Variants in DGCR8 observed in about 807,000 individuals in gnomAD.
DGCR8 encodes microprocessor complex subunit DGCR8.
DGCR8 carries 14 observed loss-of-function variants against 78.5 expected under a neutral mutation model. That is an observed-to-expected ratio of 0.18 (90% CI 0.12 to 0.28). DGCR8 has a LOEUF of 0.28. DGCR8 is among the 10% of genes least tolerant of loss of function. The probability of loss-of-function intolerance (pLI) is 1.00; values close to 1 mark genes in which losing one functional copy is unlikely to be tolerated. For synonymous variants in DGCR8, 399 were observed against 402.4 expected, an observed-to-expected ratio of 0.99 and a Z score of 0.10; for missense variants, 702 against 1,022.5, an observed-to-expected ratio of 0.69 and a Z score of 4.28.
intron 9 of DGCR8, among the ~76,000 whole-genome samples, chr22:20,097,719 A>G (rs1322792067): frequency 6.6e-6 from 1 of 151,278 alleles, no homozygotes; most frequent in East Asian, 1.9e-4. Context: ...GTTGGCTCAC[A>G]TTCTGCTGGT....
Position 20,086,791 on chromosome 22 carries a change from A to C in DGCR8, c.720+108A>C. ...GGAAATTAAAAAAAAAAAAAACAAA[A>C]ACCAAAATCCCCTCTGAGGTGGAAT... is the stretch of plus-strand genomic sequence containing the variant. On this transcript the variant is annotated intron_variant, in intron 2 of 13. Transcript: ENST00000351989. This position sits in a 1 kb window ranked among gnomAD's most constrained non-coding sequence, Gnocchi z 6.4. 6.3e-6 allele frequency: 8 copies of C among 1,269,492 alleles called. No individual in the cohort carries two copies. The highest frequency in any genetic ancestry group is 7.5e-6 in the Non-Finnish European group (7 of 928,270). 78.6% of individuals were successfully genotyped at this position (1,269,492 alleles called of 1,614,324 possible).
Position 20,111,175 on chromosome 22 carries a change from G to C in DGCR8, c.*1067G>C. 1 of 398,844 alleles carries C rather than the reference G, an allele frequency of 2.5e-6. No individual in the cohort carries two copies. Among genetic ancestry groups the C allele is most frequent in the Non-Finnish European group, 4.4e-6 (1 of 226,092 alleles). The allele number at this position is 398,844 out of a possible 1,614,324, so 24.7% of individuals were successfully genotyped here. On this transcript the variant is annotated 3_prime_UTR_variant, in exon 14 of 14. Coordinates refer to ENST00000351989, the MANE Select transcript of DGCR8 (RefSeq NM_022720.7). Reference sequence around the variant, plus strand: ...GCTTCTCGACTGGTGGCCCCTATGGGTGGGTGTGCGATGGAAATGTGTTCC... The same window carrying C: ...GCTTCTCGACTGGTGGCCCCTATGGCTGGGTGTGCGATGGAAATGTGTTCC...
Position 20,091,950 on chromosome 22 carries a change from T to C in DGCR8, c.1586T>C (p.Val529Ala), listed in dbSNP as rs753002278. ...CAGCGTGTCCTCAAGGTCCGCCCTG[T>C]CTATAATTTCTTTGAATGTGGTAAG... ...YMQRVLKVRPVYNFFECENPS... is the reference protein window; with the variant it reads ...YMQRVLKVRPAYNFFECENPS... The change falls in exon 7 of 14, where the codon GTC becomes GCC. Residue 529 changes from valine to alanine, a missense_variant. Physicochemically the swap from Val to Ala is moderately conservative, Grantham distance 64. This residue lies in a region of DGCR8 where 225 missense variants were observed against 427.7 expected (regional missense o/e 0.53). Coordinates refer to ENST00000351989, the MANE Select transcript of DGCR8 (RefSeq NM_022720.7). 8 of 1,613,892 alleles carry C rather than the reference T, an allele frequency of 5.0e-6. No homozygotes were observed. In the South Asian group the frequency reaches 8.8e-5, roughly 18 times the overall value.
At chr22:20,080,415 C>T (rs2049403730) in intron 1 of DGCR8, 32 bp downstream of exon 1, 1 of 978,010 alleles carries the variant, frequency 1.0e-6, no homozygotes, top group Non-Finnish European at 1.2e-6. Flanking sequence ...CGCCCGCGGG[C>T]GGTTGGGCGG....
Position 20,094,694 on chromosome 22 carries a change from G to T in DGCR8, c.1706-19G>T. 1 of 1,611,608 alleles carries T rather than the reference G, an allele frequency of 6.2e-7. No individual in the cohort carries two copies. Among genetic ancestry groups the T allele is most frequent in the Non-Finnish European group, 8.5e-7 (1 of 1,177,910 alleles). On this transcript the variant is annotated intron_variant, in intron 8 of 13. Transcript: ENST00000351989. ...AGGGCAGTGCCCAAGCCTCACCCTC[G>T]GGCTCTTTTTTTTCATAGCCCGAGC...
chr22:20,100,384 AGT>A (rs2049683273), intron 9 of DGCR8: 1 of 985,160 alleles, frequency 1.0e-6, no homozygotes. Flanking sequence ...TTTATTTCTG[AGT>A]GACCCAACCG....
At chr22:20,102,130 T>C (rs2049710284) in intron 9 of DGCR8, 1 of 944,212 alleles carries the variant, frequency 1.1e-6, no homozygotes, top group South Asian at 4.9e-5. Flanking sequence ...TAAATTCACT[T>C]TTTGGTACAG....
chr22:20,097,815 C>CT (rs695417), intron 9 of DGCR8, among the ~76,000 whole-genome samples: 118 of 136,654 alleles, frequency 8.6e-4, no homozygotes, highest in South Asian at 1.2e-3. Context: ...TACTTTAATT[C>CT]TTTTTTTTTT....
chr22:20,086,614 C>T lies in DGCR8; in HGVS notation c.651C>T (p.Gly217=), dbSNP rs758334658. Residue 217 remains glycine (G), a synonymous_variant, in exon 2 of 14, where the codon GGC becomes GGT. Transcript: ENST00000351989. The surrounding 1 kb of genome is among the most constrained non-coding windows in gnomAD (Gnocchi z 6.4). ...DNLELDEEGA[G]GFTAKAIVQR... ...TGGAGCTAGATGAAGAAGGAGCAGG[C>T]GGGTTCACGGCTAAAGCAATCGTTC... The T allele has an allele frequency of 8.7e-6, 14 of 1,612,736 alleles. No individual in the cohort carries two copies. Among genetic ancestry groups the T allele is most frequent in the South Asian group, 1.1e-5 (1 of 91,064 alleles).
chr22:20,089,864 G>A lies in DGCR8; in HGVS notation c.1023+53G>A, dbSNP rs796576678. The stretch of plus-strand genomic sequence containing the variant: ...GGCTTGTAAGTTCTCAGACCAAAAC[G>A]TGCACATCCACACACATGGCACCGC... On this transcript the variant is annotated intron_variant, in intron 4 of 13. Coordinates refer to ENST00000351989, the MANE Select transcript of DGCR8 (RefSeq NM_022720.7). The surrounding 1 kb of genome is among the most constrained non-coding windows in gnomAD (Gnocchi z 4.9). 21 of 1,606,714 alleles carry A rather than the reference G, an allele frequency of 1.3e-5. 1 individual carries two copies. Among genetic ancestry groups the A allele is most frequent in the Admixed American group, 1.7e-5 (1 of 59,356 alleles).
chr22:20,101,303 G>A (rs903541084), intron 9 of DGCR8: 3 of 985,032 alleles, frequency 3.0e-6, no homozygotes, highest in African/African-American at 3.5e-5. Flanking sequence ...TGGGCTGGGC[G>A]CGGTGGCTCA....
intron 1 of DGCR8, 63 bp downstream of exon 1, chr22:20,080,446 G>T: frequency 1.0e-6 from 1 of 979,926 alleles, no homozygotes; most frequent in South Asian, 4.7e-5. Flanking sequence ...CTGCGCGAGG[G>T]CGCGCCCTTC....
intron 9 of DGCR8, among the ~76,000 whole-genome samples, chr22:20,104,258 G>A (rs1003141569): frequency 1.3e-5 from 2 of 151,120 alleles, no homozygotes. Flanking sequence ...TCTGCTTCCC[G>A]GGTTCACGCC....
At chr22:20,101,898 G>T in intron 9 of DGCR8, 1 of 985,376 alleles carries the variant, frequency 1.0e-6, no homozygotes, top group Non-Finnish European at 1.2e-6. Flanking sequence ...CAGGAGGGGC[G>T]GGTTGATGCC....
intron 11 of DGCR8, 60 bp from the exon 12 acceptor site, chr22:20,107,211 G>T: frequency 6.2e-7 from 1 of 1,609,576 alleles, no homozygotes; most frequent in East Asian, 2.2e-5. Context: ...AGCGGCAGGG[G>T]GCCCCATGAG....
rs375438087 is a variant in DGCR8 at position 20,106,578 on chromosome 22, G to T, written c.1890-14G>T. The T allele has an allele frequency of 1.9e-6, 3 of 1,601,620 alleles. No homozygotes were observed. The highest frequency in any genetic ancestry group is 2.6e-6 in the Non-Finnish European group (3 of 1,168,570). On this transcript the variant is annotated splice_polypyrimidine_tract_variant and intron_variant, in intron 10 of 13. Transcript: ENST00000351989. ...GCTCAGGGGACGCCATCTGTTGTCTGTTTTCTCTTAAAGAAACCATGGGAT... is the reference window on the plus strand; with the variant it reads ...GCTCAGGGGACGCCATCTGTTGTCTTTTTTCTCTTAAAGAAACCATGGGAT...
rs563708948 is a variant in DGCR8 at position 20,100,886 on chromosome 22, T to G, written c.1789-5291T>G. 1.2e-5 allele frequency: 11 copies of G among 953,480 alleles called. No individual in the cohort carries two copies. The South Asian group carries it at 5.3e-4, about 46-fold the overall frequency. 59.1% of individuals were successfully genotyped at this position (953,480 alleles called of 1,614,324 possible). Reference sequence around the variant, plus strand: ...GGTAAGGAGCTCAGTTTCGTGGGACTGCCCCCACTTCCTGTGCCAGCCGCA... The same window carrying G: ...GGTAAGGAGCTCAGTTTCGTGGGACGGCCCCCACTTCCTGTGCCAGCCGCA... On this transcript the variant is annotated intron_variant, in intron 9 of 13. Coordinates refer to ENST00000351989, the MANE Select transcript of DGCR8 (RefSeq NM_022720.7).
At chr22:20,084,666 C>T (rs1055527522) in intron 1 of DGCR8, among the ~76,000 whole-genome samples, 1 of 152,202 alleles carries the variant, frequency 6.6e-6, no homozygotes, top group African/African-American at 2.4e-5. Flanking sequence ...TCGCCAGGCT[C>T]CTGCCTGCAT....
intron 9 of DGCR8, chr22:20,101,329 C>T: frequency 1.0e-6 from 1 of 969,958 alleles, no homozygotes; most frequent in Non-Finnish European, 1.2e-6. Flanking sequence ...GTAATCCCAG[C>T]ACTTTGGGAG....
Sources: allele counts gnomAD v4.1 joint callset (sites outside exome capture counted in the v4.1 genomes callset), GRCh38; gene constraint gnomAD v4.1.1; regional missense constraint gnomAD v4.1.1; non-coding constraint Gnocchi (gnomAD v3.1); transcripts MANE v1.5; gene names NCBI Gene and HGNC (gene_info 2026-07-23, HGNC 2026-07-21).